MAPKAP1: variants seen among roughly 807,000 people sequenced by gnomAD.
MAPKAP1 encodes MAPK associated protein 1.
A neutral mutation model predicts 65.7 loss-of-function variants in MAPKAP1; 20 were observed. The ratio of observed to expected loss-of-function variants is 0.30; its 90% CI spans 0.21 to 0.44. MAPKAP1 has a LOEUF of 0.44. Ranked by LOEUF, MAPKAP1 falls within the 20% of genes least tolerant of loss-of-function variation. MAPKAP1 has a pLI of 1.00. For missense variants in MAPKAP1, 423 were observed against 648.0 expected (o/e 0.65, Z 3.77); for synonymous variants, 222 against 244.3 (o/e 0.91, Z 0.85).
intron 5 of MAPKAP1, among the ~76,000 whole-genome samples, chr9:125,562,249 G>A (rs1397805710): frequency 6.6e-6 from 1 of 152,218 alleles, no homozygotes; most frequent in Non-Finnish European, 1.5e-5. Context: ...CACAGGCTAA[G>A]ATTTGAGATG....
intron 4 of MAPKAP1, chr9:125,596,087 C>T (rs1832117349): frequency 4.9e-6 from 5 of 1,011,050 alleles, no homozygotes; most frequent in Non-Finnish European, 7.8e-6. Context: ...CTGACCGAGG[C>T]AGTGGCAAGA....
intron 4 of MAPKAP1, among the ~76,000 whole-genome samples, chr9:125,586,420 G>A (rs1166900994): frequency 1.3e-5 from 2 of 151,970 alleles, no homozygotes; most frequent in African/African-American, 2.4e-5. Flanking sequence ...TTTTTAAAAC[G>A]ATTTCCTCTA....
intron 7 of MAPKAP1, among the ~76,000 whole-genome samples, chr9:125,518,316 TTACATCTGTAATCCCATAC>T (rs1829522058): frequency 1.3e-5 from 2 of 151,518 alleles, no homozygotes; most frequent in South Asian, 2.1e-4. Context: ...GTGGCTCACA[TTACATCTGTAATCCCATAC>T]TACATCTGTA....
chr9:125,612,615 C>T (rs925554265), intron 4 of MAPKAP1, among the ~76,000 whole-genome samples: 30 of 152,146 alleles, frequency 2.0e-4, no homozygotes, highest in Admixed American at 1.3e-3. Flanking sequence ...CATTCATGTA[C>T]AAATCTTTAT....
chr9:125,578,239 C>T (rs890812531), intron 5 of MAPKAP1, among the ~76,000 whole-genome samples: 12 of 152,142 alleles, frequency 7.9e-5, no homozygotes, highest in Admixed American at 5.9e-4. Context: ...GCAGCATGCT[C>T]GTTAGGAGTC....
At chr9:125,533,201 C>T (rs1243917824) in intron 7 of MAPKAP1, among the ~76,000 whole-genome samples, 2 of 151,668 alleles carry the variant, frequency 1.3e-5, no homozygotes, top group Non-Finnish European at 1.5e-5. Flanking sequence ...GGCTTTTTCT[C>T]AATTCTTTTT....
chr9:125,623,835 GC>G (rs1832995167), intron 4 of MAPKAP1, among the ~76,000 whole-genome samples: 1 of 32,894 alleles, frequency 3.0e-5, no homozygotes, highest in Admixed American at 2.6e-4. Flanking sequence ...CCGGCCAGCC[GC>G]CCCGTCCGGG....
At chr9:125,631,794 C>T (rs1833290046) in intron 4 of MAPKAP1, among the ~76,000 whole-genome samples, 1 of 152,186 alleles carries the variant, frequency 6.6e-6, no homozygotes, top group Non-Finnish European at 1.5e-5. Flanking sequence ...TTTACACCAG[C>T]ACTTCACCTA....
At chr9:125,704,824 G>A (rs112030876) in intron 1 of MAPKAP1, among the ~76,000 whole-genome samples, 2,136 of 152,168 alleles carry the variant, frequency 0.014, 19 homozygotes, top group South Asian at 0.04. Context: ...TATTTATTTC[G>A]GGGGACTTTA....
In MAPKAP1 at chr9:125,439,417, A is replaced by T. The variant is rs983744653; in HGVS notation, c.1444-405T>A. On this transcript the variant is annotated intron_variant, in intron 11 of 11. Coordinates refer to ENST00000265960, the MANE Select transcript of MAPKAP1 (RefSeq NM_001006617.3). This position sits in a 1 kb window ranked among gnomAD's most constrained non-coding sequence, Gnocchi z 4.0. The stretch of plus-strand genomic sequence containing the variant: ...TGCCTTTCCCTGTGTGAAGGCCGAG[A>T]ACACAGGGATGAAAAGCAAACCAAG... Among the ~76,000 whole-genome samples, 1 of 152,136 alleles carries T rather than the reference A, an allele frequency of 6.6e-6. No individual in the cohort carries two copies. The highest frequency in any genetic ancestry group is 1.5e-5 in the Non-Finnish European group (1 of 68,034).
chr9:125,484,619 C>T, intron 8 of MAPKAP1, 36 bp from the exon 9 acceptor site: 3 of 1,573,350 alleles, frequency 1.9e-6, no homozygotes, highest in East Asian at 2.3e-5. Context: ...CATAAAGATA[C>T]ATGAGGCTTG....
At chr9:125,523,228 C>A (rs376357985) in intron 7 of MAPKAP1, among the ~76,000 whole-genome samples, 2 of 152,212 alleles carry the variant, frequency 1.3e-5, no homozygotes, top group South Asian at 4.1e-4. Context: ...TGGTGCCATG[C>A]TAGGTTCCCA....
chr9:125,598,901 G>A (rs557196151), intron 4 of MAPKAP1, among the ~76,000 whole-genome samples: 11 of 151,796 alleles, frequency 7.2e-5, no homozygotes, highest in African/African-American at 1.5e-4. Context: ...ATAGCCAGGC[G>A]TGGTGGCAGG....
chr9:125,681,420 T>A lies in MAPKAP1; in HGVS notation c.-69-8777A>T, dbSNP rs147273583. 4.4e-3 allele frequency among the ~76,000 whole-genome samples: 676 copies of A among 152,342 alleles called. 4 individuals are homozygous for A. The highest frequency in any genetic ancestry group is 9.0e-3 in the African/African-American group (375 of 41,576). ...TTCCAGCTGTCCTGCTGAGGCCCCA[T>A]GAGTGATTAAGTCATCAGGGACAAG... is the stretch of plus-strand genomic sequence containing the variant. On this transcript the variant is annotated intron_variant, in intron 1 of 11. Transcript: ENST00000265960.
rs473426 is a variant in MAPKAP1 at position 125,644,709 on chromosome 9, G to C, written c.498+12942C>G. Reference sequence around the variant, plus strand: ...AATATACTCAAGTTAATTACTATTGGAAACTGGTTCTATTTTAATTTAATG... The same window carrying C: ...AATATACTCAAGTTAATTACTATTGCAAACTGGTTCTATTTTAATTTAATG... On this transcript the variant is annotated intron_variant, in intron 4 of 11. Coordinates refer to ENST00000265960, the MANE Select transcript of MAPKAP1 (RefSeq NM_001006617.3). Among the ~76,000 whole-genome samples, 67,212 of 151,964 alleles carry C rather than the reference G, an allele frequency of 0.44. 16,416 individuals are homozygous for C. The highest frequency in any genetic ancestry group is 0.56 in the South Asian group (2,696 of 4,812).
chr9:125,519,417 G>A (rs1473704895), intron 7 of MAPKAP1, among the ~76,000 whole-genome samples: 2 of 151,916 alleles, frequency 1.3e-5, no homozygotes, highest in East Asian at 1.9e-4. Context: ...GGGGAGGATC[G>A]CTTGACGCCA....
At chr9:125,541,096 T>C (rs1357486030) in intron 7 of MAPKAP1, among the ~76,000 whole-genome samples, 1 of 152,210 alleles carries the variant, frequency 6.6e-6, no homozygotes, top group East Asian at 1.9e-4. Context: ...GCTTCTCTTG[T>C]ATGAAAAGGA....
chr9:125,503,252 T>A (rs1829037403), intron 8 of MAPKAP1, among the ~76,000 whole-genome samples: 1 of 152,218 alleles, frequency 6.6e-6, no homozygotes, highest in Non-Finnish European at 1.5e-5. Flanking sequence ...TTACTACATG[T>A]TTTCTATTTA....
chr9:125,694,726 G>A (rs1835332812), intron 1 of MAPKAP1, among the ~76,000 whole-genome samples: 1 of 152,214 alleles, frequency 6.6e-6, no homozygotes, highest in Non-Finnish European at 1.5e-5. Context: ...TGCAAAGACT[G>A]TGGGAAGGGA....
Sources: allele counts gnomAD v4.1 joint callset (sites outside exome capture counted in the v4.1 genomes callset), GRCh38; gene constraint gnomAD v4.1.1; non-coding constraint Gnocchi (gnomAD v3.1); transcripts MANE v1.5; gene names NCBI Gene and HGNC (gene_info 2026-07-23, HGNC 2026-07-21).